STPG2: variants seen among roughly 807,000 people sequenced by gnomAD.
STPG2 encodes the protein sperm-tail PG-rich repeat-containing protein 2.
A neutral mutation model predicts 54.2 loss-of-function variants in STPG2; 56 were observed. The observed-to-expected ratio is 1.03, with a 90% confidence interval of 0.83 to 1.29. The LOEUF is 1.29. STPG2 is among the 50% of genes most tolerant of loss of function. The pLI, the probability that STPG2 is intolerant of heterozygous loss-of-function variation, is 0.00. For synonymous variants in STPG2, 200 were observed against 181.8 expected, an observed-to-expected ratio of 1.10 and a Z score of -0.81; for missense variants, 596 against 544.9, an observed-to-expected ratio of 1.09 and a Z score of -0.93.
intron 10 of STPG2, among the ~76,000 whole-genome samples, chr4:97,635,714 T>C (rs1478838373): frequency 7.9e-6 from 1 of 126,784 alleles, no homozygotes; most frequent in Admixed American, 9.1e-5. Context: ...AAACAGACTT[T>C]AAACCAACAA....
At position 97,498,697 on chromosome 4, in the gene STPG2, A is replaced by C. The variant is rs1031408326; in HGVS notation, c.462+214002T>G. On this transcript the variant is annotated intron_variant, in intron 4 of 4. Coordinates refer to the STPG2 transcript ENST00000522676. ...AAATAAAAAAACAAGAAACAAAAATACAACAATAGCATGGATTGTCGATTT... is the reference window on the plus strand; with the variant it reads ...AAATAAAAAAACAAGAAACAAAAATCCAACAATAGCATGGATTGTCGATTT... Among the ~76,000 whole-genome samples, 10 of 151,954 alleles carry C rather than the reference A, an allele frequency of 6.6e-5. No homozygotes were observed. In the South Asian group the frequency reaches 8.3e-4, roughly 13 times the overall value.
intron 9 of STPG2, among the ~76,000 whole-genome samples, chr4:97,784,991 G>C (rs959565945): frequency 2.6e-5 from 4 of 151,966 alleles, no homozygotes; most frequent in African/African-American, 9.7e-5. Context: ...TGCCTGAGAT[G>C]CTTTTGAGCT....
In STPG2 at chr4:97,512,798, C is replaced by T. The variant is rs142041658; in HGVS notation, c.462+199901G>A. On this transcript the variant is annotated intron_variant, in intron 4 of 4. Coordinates refer to the STPG2 transcript ENST00000522676. ...GAAAATCTAAAATCTTTTTTTCATA[C>T]TATACTCTCACAATACAGAATAATT... Among the ~76,000 whole-genome samples, 448 of 152,040 alleles carry T rather than the reference C, an allele frequency of 2.9e-3. 3 individuals are homozygous for T. Among genetic ancestry groups the T allele is most frequent in the African/African-American group, 0.01 (421 of 41,498 alleles).
intron 10 of STPG2, among the ~76,000 whole-genome samples, chr4:97,564,992 C>T (rs367771190): frequency 2.0e-5 from 3 of 152,122 alleles, no homozygotes; most frequent in African/African-American, 4.8e-5. Context: ...CCTTGCTAGA[C>T]TGGGGAAGTT....
chr4:97,442,819 A>T (rs922422717), intron 4 of STPG2, among the ~76,000 whole-genome samples: 1 of 152,186 alleles, frequency 6.6e-6, no homozygotes, highest in Non-Finnish European at 1.5e-5. Context: ...TAAATCTGCA[A>T]GTAAGTTTAA....
intron 10 of STPG2, among the ~76,000 whole-genome samples, chr4:97,586,864 G>A (rs2148895144): frequency 6.6e-6 from 1 of 151,978 alleles, no homozygotes; most frequent in Non-Finnish European, 1.5e-5. Flanking sequence ...AAAGAATCTT[G>A]GAGCATCGGC....
At chr4:98,050,862 G>A (rs530514564) in intron 5 of STPG2, among the ~76,000 whole-genome samples, 6 of 151,886 alleles carry the variant, frequency 4.0e-5, no homozygotes, top group South Asian at 2.1e-4. Flanking sequence ...AAAATTAGCC[G>A]GGCGTGGTGT....
chr4:97,889,553 T>C (rs948479790), intron 8 of STPG2, among the ~76,000 whole-genome samples: 2 of 152,072 alleles, frequency 1.3e-5, no homozygotes, highest in African/African-American at 4.8e-5. Flanking sequence ...TTACACAAAA[T>C]AAGCCAGGCA....
chr4:98,084,505 G>A lies in STPG2; in HGVS notation c.612+21448C>T, dbSNP rs886333403. On this transcript the variant is annotated intron_variant, in intron 5 of 10. Transcript: ENST00000295268. ...GTGAAATTGTGGTACCACACAGTAT[G>A]TATATTTTAACTTTCTAAGAAACTG... 2.6e-5 allele frequency among the ~76,000 whole-genome samples: 4 copies of A among 152,296 alleles called. No homozygotes were observed. The East Asian group carries it at 7.7e-4, about 29-fold the overall frequency.
At position 97,904,707 on chromosome 4, in the gene STPG2, GA is replaced by G. The variant is rs1354548550; in HGVS notation, c.1044+39189del. 1.4e-4 allele frequency among the ~76,000 whole-genome samples: 22 copies of G among 152,212 alleles called. No homozygotes were observed. In the South Asian group the frequency reaches 1.9e-3, roughly 13 times the overall value. On this transcript the variant is annotated intron_variant, in intron 8 of 10. Transcript: ENST00000295268. ...CAAAGGCAAAGAAGTTGAAAACTTT[GA>G]AAAAAATTTAGAAGAATGTATAACT...
At chr4:97,583,984 G>A (rs961396705) in intron 10 of STPG2, among the ~76,000 whole-genome samples, 1 of 151,768 alleles carries the variant, frequency 6.6e-6, no homozygotes, top group African/African-American at 2.4e-5. Flanking sequence ...AAGATAGAGT[G>A]TCAACAAAGA....
At chr4:97,912,463 G>A (rs1174523446) in intron 8 of STPG2, among the ~76,000 whole-genome samples, 1 of 152,204 alleles carries the variant, frequency 6.6e-6, no homozygotes, top group African/African-American at 2.4e-5. Flanking sequence ...AGCCAGTTTA[G>A]AGAGAAACAT....
intron 10 of STPG2, among the ~76,000 whole-genome samples, chr4:97,559,762 G>A (rs1189725594): frequency 4.6e-5 from 7 of 152,080 alleles, no homozygotes; most frequent in Non-Finnish European, 8.8e-5. Context: ...TCCTGCCTAA[G>A]TTATCTTACC....
Position 98,020,243 on chromosome 4 carries a change from G to T in STPG2, c.613-38925C>A, listed in dbSNP as rs1321161122. Among the ~76,000 whole-genome samples the T allele has an allele frequency of 3.0e-5, 4 of 131,176 alleles. 1 individual carries two copies. The highest frequency in any genetic ancestry group is 1.2e-4 in the African/African-American group (4 of 33,620). 86.1% of individuals were successfully genotyped at this position (131,176 alleles called of 152,430 possible). The stretch of plus-strand genomic sequence containing the variant: ...TTAGCATGAAGGGTTGTTGAATTTT[G>T]TCAAAGGCCTTTTCTGCATCTATTG... On this transcript the variant is annotated intron_variant, in intron 5 of 10. Coordinates refer to ENST00000295268, the MANE Select transcript of STPG2 (RefSeq NM_174952.3).
chr4:97,746,878 A>T (rs1321528944), intron 9 of STPG2, among the ~76,000 whole-genome samples: 1 of 151,248 alleles, frequency 6.6e-6, no homozygotes. Flanking sequence ...ATTGCTATAT[A>T]CCATGTTCCA....
chr4:97,807,240 ATGTT>A (rs1056078126), intron 9 of STPG2, among the ~76,000 whole-genome samples: 129 of 151,832 alleles, frequency 8.5e-4, no homozygotes, highest in African/African-American at 2.9e-3. Context: ...TTCCTTTAAT[ATGTT>A]TATTTACTCA....
chr4:97,959,358 A>G (rs1332061870), intron 7 of STPG2, among the ~76,000 whole-genome samples: 7 of 152,146 alleles, frequency 4.6e-5, no homozygotes, highest in Admixed American at 4.6e-4. Context: ...AAAAGAAAGG[A>G]AATAACCAAG....
intron 1 of STPG2, among the ~76,000 whole-genome samples, chr4:98,139,221 C>T (rs1277486472): frequency 6.6e-6 from 1 of 152,074 alleles, no homozygotes; most frequent in Non-Finnish European, 1.5e-5. Flanking sequence ...GGCCTACAGC[C>T]ACGGAAATCG....
intron 9 of STPG2, among the ~76,000 whole-genome samples, chr4:97,806,595 G>T (rs557179198): frequency 1.3e-5 from 2 of 152,140 alleles, no homozygotes; most frequent in African/African-American, 4.8e-5. Context: ...GCCATCCTCT[G>T]CTGGGAAATT....
Sources: gnomAD v4.1 joint callset for allele counts (sites outside exome capture counted in the v4.1 genomes callset) on GRCh38, gnomAD v4.1.1 for gene constraint, MANE v1.5 for transcripts, NCBI Gene and HGNC (gene_info 2026-07-23, HGNC 2026-07-21) for gene names.